GRB14: variants seen among roughly 807,000 people sequenced by gnomAD.
GRB14 encodes growth factor receptor bound protein 14, also known as growth factor receptor-bound protein 14.
A neutral mutation model predicts 69.1 loss-of-function variants in GRB14; 38 were observed. The observed-to-expected ratio is 0.55, with a 90% confidence interval of 0.42 to 0.72. The LOEUF (loss-of-function observed/expected upper bound fraction) is 0.72. Among genes scored for constraint, GRB14 ranks in the 30% least tolerant of loss-of-function variants. The pLI, the probability that GRB14 is intolerant of heterozygous loss-of-function variation, is 0.00. For synonymous variants in GRB14, 247 were observed against 241.3 expected (o/e 1.02, Z -0.22); for missense variants, 666 against 666.1 (o/e 1.00, Z 0.00).
At chr2:164,596,476 G>C (rs66756157) in intron 2 of GRB14, among the ~76,000 whole-genome samples, 14,942 of 152,170 alleles carry the variant, frequency 0.098, 1,665 homozygotes, top group African/African-American at 0.27. Context: ...AGGACAGAGA[G>C]AGAAAGGACT....
At chr2:164,605,515 TA>T (rs922592729) in intron 2 of GRB14, among the ~76,000 whole-genome samples, 2 of 152,100 alleles carry the variant, frequency 1.3e-5, no homozygotes, top group African/African-American at 4.8e-5. Flanking sequence ...ATCCTGGCAG[TA>T]AAATGAAAAC....
At chr2:164,524,464 T>A (rs1184789667) in intron 5 of GRB14, among the ~76,000 whole-genome samples, 1 of 152,142 alleles carries the variant, frequency 6.6e-6, no homozygotes, top group Non-Finnish European at 1.5e-5. Context: ...TTTAATTAGA[T>A]AACTAGTATT....
intron 2 of GRB14, among the ~76,000 whole-genome samples, chr2:164,603,425 A>T (rs1689969973): frequency 6.6e-6 from 1 of 152,170 alleles, no homozygotes; most frequent in Non-Finnish European, 1.5e-5. Context: ...GCACTTTAGG[A>T]GGCTGAGGCA....
chr2:164,602,295 T>G (rs1456216479), intron 2 of GRB14, among the ~76,000 whole-genome samples: 2 of 152,078 alleles, frequency 1.3e-5, no homozygotes, highest in Non-Finnish European at 2.9e-5. Flanking sequence ...CTTTTAACTC[T>G]TGAATGAAGA....
chr2:164,506,465 G>A (rs1687191666), intron 8 of GRB14, among the ~76,000 whole-genome samples: 1 of 152,090 alleles, frequency 6.6e-6, no homozygotes, highest in Admixed American at 6.6e-5. Flanking sequence ...AACAAGTATT[G>A]ACAAATATAT....
At chr2:164,558,781 A>C (rs1483684043) in intron 2 of GRB14, among the ~76,000 whole-genome samples, 5 of 152,214 alleles carry the variant, frequency 3.3e-5, no homozygotes, top group Admixed American at 3.3e-4. Flanking sequence ...ATTGATTCAC[A>C]CAGTGAGAAA....
At chr2:164,501,451 C>T (rs1424438898) in intron 9 of GRB14, among the ~76,000 whole-genome samples, 2 of 152,188 alleles carry the variant, frequency 1.3e-5, no homozygotes, top group African/African-American at 4.8e-5. Context: ...CATGTGCATA[C>T]ATCTGAATTC....
intron 6 of GRB14, among the ~76,000 whole-genome samples, chr2:164,515,286 C>A (rs184090484): frequency 6.6e-6 from 1 of 152,316 alleles, no homozygotes; most frequent in East Asian, 1.9e-4. Context: ...AAAACTACAA[C>A]TAAGGACCCT....
At chr2:164,542,004 G>A (rs1574289521) in intron 3 of GRB14, among the ~76,000 whole-genome samples, 3 of 152,086 alleles carry the variant, frequency 2.0e-5, no homozygotes, top group Admixed American at 6.6e-5. Context: ...AGCTGGAGGG[G>A]TCACATTACC....
intron 2 of GRB14, among the ~76,000 whole-genome samples, chr2:164,608,685 G>A (rs1690098380): frequency 6.6e-6 from 1 of 152,042 alleles, no homozygotes; most frequent in Non-Finnish European, 1.5e-5. Flanking sequence ...TGGCAATTGT[G>A]TTACTGTACA....
At chr2:164,498,807 T>C (rs1338863929) in intron 9 of GRB14, among the ~76,000 whole-genome samples, 1 of 152,188 alleles carries the variant, frequency 6.6e-6, no homozygotes, top group Non-Finnish European at 1.5e-5. Flanking sequence ...ATATCCCACT[T>C]TATTAGCATT....
At chr2:164,593,789 G>A (rs1689722060) in intron 2 of GRB14, among the ~76,000 whole-genome samples, 1 of 152,156 alleles carries the variant, frequency 6.6e-6, no homozygotes, top group Non-Finnish European at 1.5e-5. Context: ...TCAGGTGAAG[G>A]ACAGAACTAA....
At chr2:164,602,503 C>A (rs897495696) in intron 2 of GRB14, among the ~76,000 whole-genome samples, 1 of 152,026 alleles carries the variant, frequency 6.6e-6, no homozygotes, top group Non-Finnish European at 1.5e-5. Context: ...TTGGTTTACA[C>A]GTACTTCATA....
At chr2:164,518,083 C>T (rs1439857273) in intron 6 of GRB14, among the ~76,000 whole-genome samples, 1 of 152,166 alleles carries the variant, frequency 6.6e-6, no homozygotes, top group African/African-American at 2.4e-5. Flanking sequence ...TTCATCAGCA[C>T]ACAGAACATT....
Position 164,525,018 on chromosome 2 carries a change from TG to T in GRB14, c.663del (p.Thr222HisfsTer8). The T allele has an allele frequency of 1.3e-6, 2 of 1,580,130 alleles. No homozygotes were observed. Among genetic ancestry groups the T allele is most frequent in the Non-Finnish European group, 1.7e-6 (2 of 1,156,396 alleles). On this transcript the variant is annotated frameshift_variant, in exon 5 of 14. Coordinates refer to ENST00000263915, the MANE Select transcript of GRB14 (RefSeq NM_004490.3). LOFTEE classifies it high-confidence loss of function. Reference protein sequence around the residue: ...FATETNGEISPTQILQMFLSS... With the variant: ...FATETNGEISXTQILQMFLSS... ...ATATATTTTACCTGCAAAATCTGTG[TG>T]GGGGATATTTCACCATTGGTTTCAG...
intron 2 of GRB14, among the ~76,000 whole-genome samples, chr2:164,556,826 T>C (rs1477381561): frequency 1.3e-5 from 2 of 152,144 alleles, no homozygotes; most frequent in Non-Finnish European, 2.9e-5. Flanking sequence ...TTTTCTCCTC[T>C]TTATATCCCC....
chr2:164,572,183 G>T (rs1200725840), intron 2 of GRB14, among the ~76,000 whole-genome samples: 3 of 152,110 alleles, frequency 2.0e-5, no homozygotes, highest in Non-Finnish European at 2.9e-5. Flanking sequence ...AGTAATTGGG[G>T]TTTTTATTAT....
At chr2:164,572,301 C>G (rs918802126) in intron 2 of GRB14, among the ~76,000 whole-genome samples, 2 of 152,220 alleles carry the variant, frequency 1.3e-5, no homozygotes, top group Admixed American at 1.3e-4. Flanking sequence ...TCCCACTCAA[C>G]TTCAACGAAG....
intron 9 of GRB14, among the ~76,000 whole-genome samples, chr2:164,500,141 C>T (rs1042513091): frequency 4.6e-5 from 7 of 151,978 alleles, no homozygotes; most frequent in Non-Finnish European, 7.4e-5. Context: ...CCCAACCCTC[C>T]GTCCCCTCAC....
Sources: gnomAD v4.1 joint callset for allele counts (sites outside exome capture counted in the v4.1 genomes callset) on GRCh38, gnomAD v4.1.1 for gene constraint, MANE v1.5 for transcripts, NCBI Gene and HGNC (gene_info 2026-07-23, HGNC 2026-07-21) for gene names.